The following RALGPS2 variants were observed in gnomAD, a reference collection of about 807,000 sequenced individuals.
The protein encoded by RALGPS2 is ras-specific guanine nucleotide-releasing factor RalGPS2.
In RALGPS2, 43 loss-of-function variants were observed where a neutral mutation model predicts 86.8. The ratio of observed to expected loss-of-function variants is 0.50; its 90% CI spans 0.39 to 0.64. The LOEUF is 0.64. RALGPS2 is among the 30% of genes least tolerant of loss of function. The probability of loss-of-function intolerance (pLI) is 0.00; values close to 1 mark genes in which losing one functional copy is unlikely to be tolerated. For missense variants in RALGPS2, 536 were observed against 694.6 expected (o/e 0.77, Z 2.57); for synonymous variants, 243 against 231.3 (o/e 1.05, Z -0.46).
At chr1:178,840,300 C>T (rs1252807015) in intron 8 of RALGPS2, among the ~76,000 whole-genome samples, 6 of 151,984 alleles carry the variant, frequency 3.9e-5, no homozygotes, top group Non-Finnish European at 8.8e-5. Context: ...CAACAAACTG[C>T]CTCTCAGACC....
intron 4 of RALGPS2, among the ~76,000 whole-genome samples, chr1:178,786,919 C>T (rs1037330120): frequency 6.6e-6 from 1 of 151,784 alleles, no homozygotes; most frequent in African/African-American, 2.4e-5. Flanking sequence ...ATCTCAAATT[C>T]GATACCTATA....
chr1:178,892,379 T>A, intron 15 of RALGPS2, 72 bp downstream of exon 15: 1 of 1,239,054 alleles, frequency 8.1e-7, no homozygotes, highest in Non-Finnish European at 1.2e-6. Context: ...ATGGGTGTGG[T>A]CTGACGTTAT....
chr1:178,776,599 G>C (rs1318445957), intron 1 of RALGPS2, 83 bp from the exon 2 acceptor site: 4 of 478,322 alleles, frequency 8.4e-6, no homozygotes, highest in Non-Finnish European at 1.5e-5. Context: ...TGAAATTTTT[G>C]TTTCTTGGCA....
intron 17 of RALGPS2, among the ~76,000 whole-genome samples, chr1:178,898,142 A>G (rs1435875465): frequency 6.6e-6 from 1 of 152,080 alleles, no homozygotes; most frequent in Non-Finnish European, 1.5e-5. Flanking sequence ...GATCAATTAC[A>G]ACAGTTACTG....
chr1:178,728,936 C>T (rs1009468570), intron 1 of RALGPS2, among the ~76,000 whole-genome samples: 8 of 152,100 alleles, frequency 5.3e-5, no homozygotes, highest in Non-Finnish European at 1.2e-4. Flanking sequence ...TACTAAGTAG[C>T]TAGTTAGGGA....
intron 8 of RALGPS2, among the ~76,000 whole-genome samples, chr1:178,835,386 T>C (rs1274391663): frequency 6.7e-6 from 1 of 149,752 alleles, no homozygotes; most frequent in Non-Finnish European, 1.5e-5. Context: ...ATATCTTCTT[T>C]CTTTTCTTTT....
At chr1:178,899,652 G>GTTTTT (rs1660086849) in intron 17 of RALGPS2, among the ~76,000 whole-genome samples, 6 of 122,012 alleles carry the variant, frequency 4.9e-5, no homozygotes, top group African/African-American at 1.8e-4. Flanking sequence ...TTTTGGTTTT[G>GTTTTT]GTTTTTTTTT....
rs550527525 is a variant in RALGPS2, at chr1:178,753,129, T to A, written c.-83-23553T>A. Among the ~76,000 whole-genome samples the A allele has an allele frequency of 7.2e-5, 11 of 152,334 alleles. No homozygotes were observed. The South Asian group carries it at 2.1e-3, about 29-fold the overall frequency. On this transcript the variant is annotated intron_variant, in intron 1 of 19. Transcript: ENST00000367635. Reference sequence around the variant, plus strand: ...CGAGGCACTGAATGTGCCATACTGGTTATGTGGACTTGGCAAGATCACATG... The same window carrying A: ...CGAGGCACTGAATGTGCCATACTGGATATGTGGACTTGGCAAGATCACATG...
At chr1:178,808,998 C>T (rs1231824789) in intron 5 of RALGPS2, among the ~76,000 whole-genome samples, 1 of 151,996 alleles carries the variant, frequency 6.6e-6, no homozygotes, top group Non-Finnish European at 1.5e-5. Flanking sequence ...AGGCATGCAC[C>T]ACCACGCCAG....
At chr1:178,794,946 G>C (rs1654118161) in intron 4 of RALGPS2, among the ~76,000 whole-genome samples, 1 of 152,162 alleles carries the variant, frequency 6.6e-6, no homozygotes, top group South Asian at 2.1e-4. Flanking sequence ...TTGGAAGGCT[G>C]AGCCAGGTGG....
At chr1:178,894,205 G>A in intron 16 of RALGPS2, 181 bp downstream of exon 16, 1 of 466,476 alleles carries the variant, frequency 2.1e-6, no homozygotes, top group Non-Finnish European at 3.8e-6. Context: ...GGGGATGACT[G>A]AAACCTCAGA....
chr1:178,755,600 CTAGGTTGATTTTA>C (rs1477021664), intron 1 of RALGPS2, among the ~76,000 whole-genome samples: 1 of 152,054 alleles, frequency 6.6e-6, no homozygotes, highest in Non-Finnish European at 1.5e-5. Context: ...TGTTGGGTAC[CTAGGTTGATTTTA>C]TATGTCTTTG....
At chr1:178,821,739 C>T (rs1572366926) in intron 7 of RALGPS2, 35 bp downstream of exon 7, 1 of 1,446,178 alleles carries the variant, frequency 6.9e-7, no homozygotes, top group Non-Finnish European at 9.7e-7. Flanking sequence ...AAAGGTTAGA[C>T]TTCCTGTGGA....
chr1:178,805,981 A>G (rs1457881028), intron 4 of RALGPS2, among the ~76,000 whole-genome samples: 1 of 151,990 alleles, frequency 6.6e-6, no homozygotes, highest in Non-Finnish European at 1.5e-5. Flanking sequence ...TGTCTGTTGG[A>G]ATTTCTGTCC....
chr1:178,752,218 C>T (rs866804567), intron 1 of RALGPS2, among the ~76,000 whole-genome samples: 3 of 151,784 alleles, frequency 2.0e-5, no homozygotes, highest in African/African-American at 7.3e-5. Context: ...CCACTGCAGC[C>T]TTGACCTCCC....
chr1:178,877,089 G>A (rs549346846), intron 8 of RALGPS2, among the ~76,000 whole-genome samples: 1 of 152,182 alleles, frequency 6.6e-6, no homozygotes, highest in Admixed American at 6.5e-5. Flanking sequence ...CTTGGAAAAT[G>A]GATACTTGCA....
intron 8 of RALGPS2, among the ~76,000 whole-genome samples, chr1:178,871,218 C>G (rs1246505233): frequency 1.3e-5 from 2 of 151,956 alleles, no homozygotes; most frequent in Non-Finnish European, 2.9e-5. Context: ...GTGGGATCAG[C>G]AGGAGGTTGA....
intron 18 of RALGPS2, among the ~76,000 whole-genome samples, chr1:178,903,281 GA>G (rs1195095714): frequency 1.3e-5 from 2 of 152,072 alleles, no homozygotes; most frequent in African/African-American, 4.8e-5. Flanking sequence ...TTGGAGGCAG[GA>G]AAAAATAATA....
In RALGPS2 at chr1:178,814,738, C is replaced by T. The variant is rs115618988; in HGVS notation, c.387+3334C>T. 4.7e-3 allele frequency among the ~76,000 whole-genome samples: 712 copies of T among 152,256 alleles called. 6 individuals are homozygous for T. Among genetic ancestry groups the T allele is most frequent in the African/African-American group, 0.012 (506 of 41,548 alleles). Reference sequence around the variant, plus strand: ...GTGCTGGGATTACAAGTGTGAGCTACTGTACCTGTCCCCTCGTCTCTTTAG... The same window carrying T: ...GTGCTGGGATTACAAGTGTGAGCTATTGTACCTGTCCCCTCGTCTCTTTAG... On this transcript the variant is annotated intron_variant, in intron 6 of 19. Transcript: ENST00000367635.
Sources: allele counts gnomAD v4.1 joint callset (sites outside exome capture counted in the v4.1 genomes callset), GRCh38; gene constraint gnomAD v4.1.1; transcripts MANE v1.5; gene names NCBI Gene and HGNC (gene_info 2026-07-23, HGNC 2026-07-21).